KAZN: variants seen among roughly 807,000 people sequenced by gnomAD.
KAZN encodes kazrin.
Under a neutral mutation model 87.4 loss-of-function variants are expected in KAZN, and 40 were observed. The ratio of observed to expected loss-of-function variants is 0.46; its 90% confidence interval spans 0.36 to 0.60. The LOEUF (loss-of-function observed/expected upper bound fraction) is 0.60. KAZN is among the 20% of genes least tolerant of loss of function. The pLI, the probability that KAZN is intolerant of heterozygous loss-of-function variation, is 0.00. For synonymous variants in KAZN, 466 were observed against 458.3 expected (o/e 1.02, Z -0.22); for missense variants, 898 against 1,073.9 (o/e 0.84, Z 2.29).
At position 14,209,880 on chromosome 1, in the gene KAZN, G is replaced by T. The variant is rs142785696; in HGVS notation, c.249+29288G>T. ...GGCCTGTTATTGGTACCCACTGAGAGTTGCCCTTCCAGACGAGCTGCTACT... is the reference window on the plus strand; with the variant it reads ...GGCCTGTTATTGGTACCCACTGAGATTTGCCCTTCCAGACGAGCTGCTACT... On this transcript the variant is annotated intron_variant, in intron 2 of 16. Transcript: ENST00000636203. Among the ~76,000 whole-genome samples the T allele has an allele frequency of 1.4e-4, 22 of 152,248 alleles. 1 individual carries two copies. Among genetic ancestry groups the T allele is most frequent in the East Asian group, 9.7e-4 (5 of 5,166 alleles).
At chr1:14,550,730 TCTCTCTCTC>T (rs1673452694) in intron 2 of KAZN, among the ~76,000 whole-genome samples, 1 of 84,412 alleles carries the variant, frequency 1.2e-5, no homozygotes, top group Non-Finnish European at 2.8e-5. Context: ...TCTCTCTCTC[TCTCTCTCTC>T]CCCCACCCCG....
At chr1:14,126,911 G>T (rs1644883309) in intron 1 of KAZN, among the ~76,000 whole-genome samples, 1 of 152,196 alleles carries the variant, frequency 6.6e-6, no homozygotes, top group Non-Finnish European at 1.5e-5. Context: ...TTCAAGACAA[G>T]CCTGGCCAAC....
At chr1:14,299,878 G>T (rs1654413801) in intron 2 of KAZN, among the ~76,000 whole-genome samples, 1 of 152,202 alleles carries the variant, frequency 6.6e-6, no homozygotes, top group Non-Finnish European at 1.5e-5. Flanking sequence ...AGGGAAAGGA[G>T]AGAAAATACT....
intron 1 of KAZN, among the ~76,000 whole-genome samples, chr1:14,706,651 T>A (rs1642226446): frequency 6.6e-6 from 1 of 152,206 alleles, no homozygotes; most frequent in African/African-American, 2.4e-5. Context: ...TTAAAAGACG[T>A]TACTTCAAAA....
chr1:15,013,330 G>T (rs1669764686), intron 2 of KAZN, among the ~76,000 whole-genome samples: 1 of 152,180 alleles, frequency 6.6e-6, no homozygotes, highest in African/African-American at 2.4e-5. Flanking sequence ...TCGAGTGGGG[G>T]AGGGGGAAGC....
intron 1 of KAZN, among the ~76,000 whole-genome samples, chr1:14,936,483 C>T (rs1372509381): frequency 6.6e-6 from 1 of 152,144 alleles, no homozygotes; most frequent in East Asian, 1.9e-4. Flanking sequence ...TCAGGCAAAC[C>T]GGGCTGGTTG....
At chr1:14,945,969 C>G (rs1278401810) in intron 1 of KAZN, 1 of 964,662 alleles carries the variant, frequency 1.0e-6, no homozygotes, top group Non-Finnish European at 1.2e-6. Flanking sequence ...GGTGCCAGGC[C>G]GCTTGCTGGG....
At position 15,045,767 on chromosome 1, in the gene KAZN, G is replaced by A. The variant is rs976269877; in HGVS notation, c.726+1608G>A. Among the ~76,000 whole-genome samples, 31 of 152,214 alleles carry A rather than the reference G, an allele frequency of 2.0e-4. 1 individual carries two copies. Among genetic ancestry groups the A allele is most frequent in the Admixed American group, 6.5e-5 (1 of 15,272 alleles). ...AGGCACCTTCTTTACAGGATGGCAG[G>A]AGGGAGAATGAATGCAGAGGAACTA... On this transcript the variant is annotated intron_variant, in intron 4 of 14. Coordinates refer to ENST00000376030, the MANE Select transcript of KAZN (RefSeq NM_201628.3).
At chr1:14,326,655 C>G (rs1489886634) in intron 2 of KAZN, among the ~76,000 whole-genome samples, 1 of 152,184 alleles carries the variant, frequency 6.6e-6, no homozygotes, top group East Asian at 1.9e-4. Flanking sequence ...TCTCTCACCT[C>G]TCTCTCCTCT....
intron 1 of KAZN, among the ~76,000 whole-genome samples, chr1:14,632,924 A>T (rs67577467): frequency 8.8e-6 from 1 of 114,016 alleles, no homozygotes; most frequent in Admixed American, 9.4e-5. Flanking sequence ...CACTTTATTT[A>T]TTTTTTTTTT....
chr1:14,473,318 A>C (rs1242175312), intron 2 of KAZN, among the ~76,000 whole-genome samples: 1 of 152,210 alleles, frequency 6.6e-6, no homozygotes, highest in Non-Finnish European at 1.5e-5. Context: ...TTATTTGCTA[A>C]GCCTGGCAAC....
intron 1 of KAZN, among the ~76,000 whole-genome samples, chr1:14,936,614 T>C (rs1660487522): frequency 6.6e-6 from 1 of 152,132 alleles, no homozygotes; most frequent in African/African-American, 2.4e-5. Flanking sequence ...CCCTTTTAGA[T>C]TCCCTGATCA....
At chr1:14,197,899 A>C (rs1646561438) in intron 2 of KAZN, among the ~76,000 whole-genome samples, 1 of 152,180 alleles carries the variant, frequency 6.6e-6, no homozygotes, top group Non-Finnish European at 1.5e-5. Context: ...GGAGAAAAAT[A>C]GGGAGAATGA....
chr1:14,590,553 G>A (rs1424489514), intron 2 of KAZN, among the ~76,000 whole-genome samples: 3 of 152,186 alleles, frequency 2.0e-5, no homozygotes, highest in African/African-American at 7.2e-5. Flanking sequence ...CCCTGAGCCT[G>A]AGTGTTTTAC....
chr1:14,086,902 A>G (rs1195873693), intron 1 of KAZN, among the ~76,000 whole-genome samples: 1 of 152,328 alleles, frequency 6.6e-6, no homozygotes, highest in African/African-American at 2.4e-5. Flanking sequence ...CTGTGTTGTT[A>G]TGCAAATGCT....
intron 1 of KAZN, among the ~76,000 whole-genome samples, chr1:14,175,987 A>G (rs1217616569): frequency 6.6e-6 from 1 of 152,230 alleles, no homozygotes; most frequent in Non-Finnish European, 1.5e-5. Flanking sequence ...TGCAGATAAC[A>G]TACAGGGGAT....
intron 5 of KAZN, 44 bp from the exon 6 acceptor site, chr1:15,060,128 A>T (rs762884118): frequency 6.2e-7 from 1 of 1,611,138 alleles, no homozygotes; most frequent in Non-Finnish European, 8.5e-7. Flanking sequence ...ACAGGCGAGG[A>T]CGTTCTCTCC....
At chr1:14,684,727 G>A (rs2148769884) in intron 1 of KAZN, among the ~76,000 whole-genome samples, 1 of 152,204 alleles carries the variant, frequency 6.6e-6, no homozygotes, top group South Asian at 2.1e-4. Context: ...GCTTGCCTCT[G>A]TTTCTGTTGT....
intron 2 of KAZN, among the ~76,000 whole-genome samples, chr1:14,509,517 A>G (rs1057068421): frequency 6.6e-6 from 1 of 152,220 alleles, no homozygotes; most frequent in Admixed American, 6.5e-5. Flanking sequence ...TCTATCTGAA[A>G]TGACATCAGA....
Sources: allele counts gnomAD v4.1 joint callset (sites outside exome capture counted in the v4.1 genomes callset), GRCh38; gene constraint gnomAD v4.1.1; transcripts MANE v1.5; gene names NCBI Gene and HGNC (gene_info 2026-07-23, HGNC 2026-07-21).